The following NCAM1 variants were observed in gnomAD, a reference collection of about 807,000 sequenced individuals.
NCAM1 encodes the protein neural cell adhesion molecule 1.
NCAM1 carries 14 observed loss-of-function variants against 109.8 expected under a neutral mutation model. The ratio of observed to expected loss-of-function variants is 0.13; its 90% CI spans 0.08 to 0.20. The LOEUF is 0.20. Ranked by LOEUF, NCAM1 falls within the 10% of genes least tolerant of loss-of-function variation. The pLI, the probability that NCAM1 is intolerant of heterozygous loss-of-function variation, is 1.00. For synonymous variants in NCAM1, 418 were observed against 442.9 expected (o/e 0.94, Z 0.70); for missense variants, 774 against 1,109.9 (o/e 0.70, Z 4.30).
intron 16 of NCAM1, among the ~76,000 whole-genome samples, chr11:113,258,379 C>T (rs1026247323): frequency 1.1e-4 from 17 of 152,124 alleles, no homozygotes; most frequent in Non-Finnish European, 7.4e-5. Context: ...AACTTAGTCC[C>T]GAGGTACCTC....
chr11:113,220,200 A>C (rs143746399), intron 8 of NCAM1, among the ~76,000 whole-genome samples: 4 of 152,338 alleles, frequency 2.6e-5, no homozygotes, highest in Admixed American at 6.5e-5. Context: ...GAAATAAAAA[A>C]ATCTAGATGT....
intron 15 of NCAM1, among the ~76,000 whole-genome samples, chr11:113,254,443 A>G (rs782349710): frequency 6.6e-6 from 1 of 152,258 alleles, no homozygotes; most frequent in Non-Finnish European, 1.5e-5. Context: ...AAATGTGCAC[A>G]GAGATCACTG....
intron 1 of NCAM1, among the ~76,000 whole-genome samples, chr11:113,038,523 A>G (rs189450389): frequency 6.6e-6 from 1 of 152,316 alleles, no homozygotes; most frequent in Non-Finnish European, 1.5e-5. Flanking sequence ...CTTTAGATCA[A>G]GCAAGAATTT....
At chr11:113,220,781 T>C (rs139021466) in intron 8 of NCAM1, among the ~76,000 whole-genome samples, 2,037 of 151,864 alleles carry the variant, frequency 0.013, 32 homozygotes, top group African/African-American at 0.039. Context: ...TAATTTTGTG[T>C]ATTTTTTTTA....
chr11:113,048,438 A>G (rs1192743067), intron 1 of NCAM1, among the ~76,000 whole-genome samples: 8 of 152,208 alleles, frequency 5.3e-5, no homozygotes, highest in African/African-American at 1.7e-4. Flanking sequence ...AGAGATCACC[A>G]GAAGATAAAC....
At chr11:113,066,180 T>C (rs1555084200) in intron 1 of NCAM1, among the ~76,000 whole-genome samples, 3 of 151,976 alleles carry the variant, frequency 2.0e-5, no homozygotes. Flanking sequence ...AAAGATCCCT[T>C]GAACCCATCC....
chr11:113,154,511 G>A (rs781835761), intron 1 of NCAM1, among the ~76,000 whole-genome samples: 2 of 152,180 alleles, frequency 1.3e-5, no homozygotes, highest in Non-Finnish European at 1.5e-5. Context: ...GATTAAATGA[G>A]ATAGTGCATT....
chr11:113,166,739 G>A (rs571441562), intron 1 of NCAM1, among the ~76,000 whole-genome samples: 1 of 152,024 alleles, frequency 6.6e-6, no homozygotes, highest in South Asian at 2.1e-4. Context: ...TCTCTGTCAG[G>A]CAAGTATAGT....
chr11:113,112,862 T>TGTACAG (rs1303148942), intron 1 of NCAM1, among the ~76,000 whole-genome samples: 2 of 152,138 alleles, frequency 1.3e-5, no homozygotes, highest in Non-Finnish European at 2.9e-5. Flanking sequence ...CCAGGTGTGG[T>TGTACAG]GTCTCACACC....
chr11:113,066,454 G>C (rs1301880345), intron 1 of NCAM1, among the ~76,000 whole-genome samples: 1 of 152,098 alleles, frequency 6.6e-6, no homozygotes, highest in Non-Finnish European at 1.5e-5. Flanking sequence ...GGGTAGAAAA[G>C]GTAAAAAGGC....
At chr11:113,050,035 T>C (rs1426106984) in intron 1 of NCAM1, among the ~76,000 whole-genome samples, 4 of 150,464 alleles carry the variant, frequency 2.7e-5, no homozygotes, top group Non-Finnish European at 5.9e-5. Context: ...TCCTCGTGGC[T>C]GGTATGGCTG....
intron 1 of NCAM1, among the ~76,000 whole-genome samples, chr11:113,009,312 G>GTTTTTTTGTTGTTTTTTTTTTTTTTTTTT (rs1555073910): frequency 7.5e-5 from 6 of 79,654 alleles, no homozygotes; most frequent in East Asian, 5.2e-4. Context: ...GTTTTTTCGG[G>GTTTTTTTGTTGTTTTTTTTTTTTTTTTTT]TTTTTTTTTT....
chr11:113,244,870 T>C (rs1945453960), intron 14 of NCAM1, among the ~76,000 whole-genome samples: 1 of 152,294 alleles, frequency 6.6e-6, no homozygotes, highest in Admixed American at 6.5e-5. Context: ...AGAGGTAGCC[T>C]GGTTAAAGCA....
At chr11:113,054,984 C>T (rs1254908950) in intron 1 of NCAM1, among the ~76,000 whole-genome samples, 1 of 152,166 alleles carries the variant, frequency 6.6e-6, no homozygotes, top group Non-Finnish European at 1.5e-5. Context: ...TGGAGAATGG[C>T]AGGCCCCTCA....
At chr11:113,236,233 A>G in intron 14 of NCAM1, 2 of 1,355,656 alleles carry the variant, frequency 1.5e-6, no homozygotes, top group Non-Finnish European at 2.0e-6. Context: ...TTTACATCTT[A>G]TTTTTTTTTT....
intron 1 of NCAM1, among the ~76,000 whole-genome samples, chr11:113,047,770 A>G (rs1953320727): frequency 6.6e-6 from 1 of 152,200 alleles, no homozygotes; most frequent in African/African-American, 2.4e-5. Flanking sequence ...GGTGGCAGCA[A>G]GGAGAAGTGC....
At chr11:112,999,700 A>G (rs1468008108) in intron 1 of NCAM1, among the ~76,000 whole-genome samples, 1 of 152,156 alleles carries the variant, frequency 6.6e-6, no homozygotes, top group Non-Finnish European at 1.5e-5. Flanking sequence ...GTAATAAATC[A>G]TGATGTCATT....
chr11:113,095,234 T>C (rs1314939206), intron 1 of NCAM1, among the ~76,000 whole-genome samples: 2 of 152,228 alleles, frequency 1.3e-5, no homozygotes, highest in Non-Finnish European at 2.9e-5. Flanking sequence ...GCTGTGTCTT[T>C]AATTCCTTCC....
intron 1 of NCAM1, among the ~76,000 whole-genome samples, chr11:112,974,424 G>A (rs1555067338): frequency 6.6e-6 from 1 of 151,950 alleles, no homozygotes; most frequent in East Asian, 1.9e-4. Flanking sequence ...GCTCAGTGTG[G>A]GATGTCACAC....
Sources: gnomAD v4.1 joint callset for allele counts (sites outside exome capture counted in the v4.1 genomes callset) on GRCh38, gnomAD v4.1.1 for gene constraint, MANE v1.5 for transcripts, NCBI Gene and HGNC (gene_info 2026-07-23, HGNC 2026-07-21) for gene names.